The following DPP10 variants were observed in gnomAD, a reference collection of about 807,000 sequenced individuals.
DPP10 encodes the protein inactive dipeptidyl peptidase 10.
A neutral mutation model predicts 120.9 loss-of-function variants in DPP10; 33 were observed. That is an observed-to-expected ratio of 0.27 (90% confidence interval 0.21 to 0.37). The LOEUF is 0.37. Among genes scored for constraint, DPP10 ranks in the 10% least tolerant of loss-of-function variants. The probability of loss-of-function intolerance (pLI) is 1.00; values close to 1 mark genes in which losing one functional copy is unlikely to be tolerated. For missense variants in DPP10, 816 were observed against 942.8 expected, an observed-to-expected ratio of 0.87 and a Z score of 1.76; for synonymous variants, 337 against 326.1, an observed-to-expected ratio of 1.03 and a Z score of -0.36.
intron 5 of DPP10, among the ~76,000 whole-genome samples, chr2:115,643,865 C>G (rs140224770): frequency 1.1e-4 from 17 of 152,238 alleles, no homozygotes; most frequent in Non-Finnish European, 2.5e-4. Context: ...CAAATCAAAC[C>G]ATTGTCTAAA....
intron 1 of DPP10, among the ~76,000 whole-genome samples, chr2:114,785,819 G>A (rs1049128475): frequency 9.2e-5 from 14 of 152,138 alleles, no homozygotes; most frequent in African/African-American, 1.2e-4. Flanking sequence ...GTTATTCCAC[G>A]TTAACCTGTA....
intron 1 of DPP10, among the ~76,000 whole-genome samples, chr2:114,787,073 G>A (rs1361556494): frequency 6.6e-6 from 1 of 152,182 alleles, no homozygotes; most frequent in Non-Finnish European, 1.5e-5. Flanking sequence ...ATGCTGATAC[G>A]CATTGGGAAG....
At chr2:115,106,803 CG>C (rs1169288207) in intron 1 of DPP10, among the ~76,000 whole-genome samples, 2 of 152,032 alleles carry the variant, frequency 1.3e-5, no homozygotes, top group East Asian at 3.9e-4. Context: ...GGGCCGGGCG[CG>C]GTGGCTCACG....
chr2:114,980,080 A>T (rs965924287), intron 1 of DPP10, among the ~76,000 whole-genome samples: 1 of 152,110 alleles, frequency 6.6e-6, no homozygotes, highest in East Asian at 1.9e-4. Flanking sequence ...CCTACCTTCC[A>T]TCATTTTTCT....
At chr2:115,445,713 A>G (rs551586455) in intron 3 of DPP10, among the ~76,000 whole-genome samples, 119 of 152,338 alleles carry the variant, frequency 7.8e-4, no homozygotes, top group African/African-American at 2.5e-3. Context: ...CAGCCTGACC[A>G]TGTGGTAGAA....
chr2:115,077,311 T>C (rs796251752), intron 1 of DPP10, among the ~76,000 whole-genome samples: 14 of 152,210 alleles, frequency 9.2e-5, no homozygotes, highest in African/African-American at 3.1e-4. Context: ...TCTGATTTAA[T>C]AATTAAAAAG....
intron 1 of DPP10, among the ~76,000 whole-genome samples, chr2:114,443,513 C>T (rs1677773663): frequency 6.6e-6 from 1 of 152,104 alleles, no homozygotes; most frequent in South Asian, 2.1e-4. Flanking sequence ...GTTTTAGTTT[C>T]AAGTCATGCT....
At chr2:115,566,118 G>T (rs1159913706) in intron 5 of DPP10, among the ~76,000 whole-genome samples, 2 of 151,946 alleles carry the variant, frequency 1.3e-5, no homozygotes, top group Non-Finnish European at 2.9e-5. Context: ...TAATACTATC[G>T]AAGTGATATT....
chr2:114,554,726 T>A (rs1392661752), intron 1 of DPP10, among the ~76,000 whole-genome samples: 1 of 152,230 alleles, frequency 6.6e-6, no homozygotes, highest in African/African-American at 2.4e-5. Context: ...ATTCCGGGCT[T>A]TAACATCTGC....
intron 1 of DPP10, among the ~76,000 whole-genome samples, chr2:115,090,191 T>C (rs1339076278): frequency 5.3e-5 from 8 of 152,186 alleles, no homozygotes; most frequent in Non-Finnish European, 8.8e-5. Flanking sequence ...AAAATATACA[T>C]ATGTATGAGA....
intron 1 of DPP10, among the ~76,000 whole-genome samples, chr2:114,653,677 G>C (rs1312296068): frequency 1.3e-5 from 2 of 152,122 alleles, no homozygotes; most frequent in African/African-American, 2.4e-5. Flanking sequence ...GCCTTTCTTT[G>C]CTCCTACCCT....
intron 1 of DPP10, among the ~76,000 whole-genome samples, chr2:114,965,971 A>G (rs1239732184): frequency 6.7e-6 from 1 of 148,734 alleles, no homozygotes; most frequent in East Asian, 2.0e-4. Context: ...TCTCAAAAAA[A>G]AAAAAAAAAA....
chr2:115,016,495 T>C (rs1004122723), intron 1 of DPP10, among the ~76,000 whole-genome samples: 2 of 151,976 alleles, frequency 1.3e-5, no homozygotes, highest in African/African-American at 4.8e-5. Flanking sequence ...AAAGCCAAAA[T>C]TGACAAATGG....
chr2:115,240,351 C>T (rs190686542), intron 1 of DPP10, among the ~76,000 whole-genome samples: 178 of 152,272 alleles, frequency 1.2e-3, no homozygotes, highest in African/African-American at 4.1e-3. Flanking sequence ...CTCTAACGAC[C>T]AGTGATGATG....
At chr2:115,677,489 G>A (rs887912404) in intron 5 of DPP10, among the ~76,000 whole-genome samples, 1 of 151,986 alleles carries the variant, frequency 6.6e-6, no homozygotes, top group African/African-American at 2.4e-5. Context: ...TGGCTGAATC[G>A]ATTAAAAAAC....
At chr2:114,867,204 T>G (rs1221886852) in intron 1 of DPP10, among the ~76,000 whole-genome samples, 1 of 152,182 alleles carries the variant, frequency 6.6e-6, no homozygotes, top group Non-Finnish European at 1.5e-5. Context: ...GTTGGCAGTC[T>G]GGGTTGTACA....
chr2:115,041,831 T>C (rs1463776383), intron 1 of DPP10, among the ~76,000 whole-genome samples: 1 of 152,152 alleles, frequency 6.6e-6, no homozygotes, highest in East Asian at 1.9e-4. Flanking sequence ...AATGTTGTGA[T>C]TTAAGAAAGC....
At chr2:115,827,533 C>A (rs1321312434) in intron 21 of DPP10, among the ~76,000 whole-genome samples, 3 of 148,706 alleles carry the variant, frequency 2.0e-5, no homozygotes, top group Non-Finnish European at 4.5e-5. Flanking sequence ...TTATAAATCC[C>A]AAAATATATT....
In DPP10 at chr2:115,297,213, G is replaced by A. The variant is rs528930151; in HGVS notation, c.61-12026G>A. The A allele has an allele frequency of 1.3e-4, 33 of 258,576 alleles. 1 individual carries two copies. The Middle Eastern group carries it at 1.3e-3, about 11-fold the overall frequency. The allele number at this position is 258,576 out of a possible 1,614,324, so 16.0% of individuals were successfully genotyped here. On this transcript the variant is annotated intron_variant, in intron 1 of 25. Coordinates refer to ENST00000410059, the MANE Select transcript of DPP10 (RefSeq NM_020868.6). ...GTTTTGTGACATGCTGGCTGCATCA[G>A]ATAATGCTGCATGGCATAAGCTGGG...
Sources: gnomAD v4.1 joint callset for allele counts (sites outside exome capture counted in the v4.1 genomes callset) on GRCh38, gnomAD v4.1.1 for gene constraint, MANE v1.5 for transcripts, NCBI Gene and HGNC (gene_info 2026-07-23, HGNC 2026-07-21) for gene names.